The following MBD5 variants were observed in gnomAD, a reference collection of about 807,000 sequenced individuals.
MBD5 encodes methyl-CpG-binding domain protein 5.
In MBD5, 13 loss-of-function variants were observed where a neutral mutation model predicts 117.3. That is an observed-to-expected ratio of 0.11 (90% CI 0.07 to 0.18). The LOEUF is 0.18. Ranked by LOEUF, MBD5 falls within the 10% of genes least tolerant of loss-of-function variation. The probability of loss-of-function intolerance (pLI) is 1.00; values close to 1 mark genes in which losing one functional copy is unlikely to be tolerated. For missense variants in MBD5, 1,879 were observed against 2,093.8 expected (o/e 0.90, Z 2.00); for synonymous variants, 727 against 766.4 (o/e 0.95, Z 0.85).
intron 1 of MBD5, among the ~76,000 whole-genome samples, chr2:148,103,984 T>C (rs1696302151): frequency 6.6e-6 from 1 of 152,078 alleles, no homozygotes; most frequent in African/African-American, 2.4e-5. Flanking sequence ...TGTGAGAATA[T>C]GAGATTTTGC....
intron 1 of MBD5, among the ~76,000 whole-genome samples, chr2:148,088,016 G>GAAA (rs549142676): frequency 6.9e-6 from 1 of 145,874 alleles, no homozygotes; most frequent in African/African-American, 2.5e-5. Flanking sequence ...ATATCATAAC[G>GAAA]AAAAAAAAAA....
intron 3 of MBD5, among the ~76,000 whole-genome samples, chr2:148,285,177 T>C (rs565951607): frequency 6.6e-6 from 1 of 152,228 alleles, no homozygotes; most frequent in Non-Finnish European, 1.5e-5. Context: ...CCCCATCTGC[T>C]CTTCAAACAA....
At chr2:148,443,909 G>A (rs543652642) in intron 4 of MBD5, among the ~76,000 whole-genome samples, 12 of 151,292 alleles carry the variant, frequency 7.9e-5, no homozygotes, top group African/African-American at 2.5e-4. Flanking sequence ...TGGATTGTTC[G>A]TAACACAAAG....
Position 148,023,012 on chromosome 2 carries a change from T to C in MBD5, c.-925+1328T>C, listed in dbSNP as rs577219056. 9.2e-5 allele frequency among the ~76,000 whole-genome samples: 14 copies of C among 152,274 alleles called. No individual in the cohort carries two copies. In the East Asian group the frequency reaches 2.5e-3, roughly 27 times the overall value. On this transcript the variant is annotated intron_variant, in intron 1 of 13. Coordinates refer to ENST00000642680, the MANE Select transcript of MBD5 (RefSeq NM_001378120.1). ...ATTTTGTTTCATATATACATTTCTT[T>C]ATTCTTTCCTTGAAGATGGATGCAC...
intron 1 of MBD5, among the ~76,000 whole-genome samples, chr2:148,085,621 G>A (rs2105190894): frequency 6.6e-6 from 1 of 150,958 alleles, no homozygotes; most frequent in African/African-American, 2.4e-5. Context: ...CTACTTGGGA[G>A]GCTGAGGCAG....
chr2:148,084,430 T>C (rs1424326704), intron 1 of MBD5, among the ~76,000 whole-genome samples: 1 of 152,234 alleles, frequency 6.6e-6, no homozygotes, highest in Non-Finnish European at 1.5e-5. Flanking sequence ...ATCTGCCTTT[T>C]AAAATATAGT....
chr2:148,205,801 G>C (rs906901916), intron 2 of MBD5, among the ~76,000 whole-genome samples: 5 of 152,066 alleles, frequency 3.3e-5, no homozygotes, highest in Non-Finnish European at 5.9e-5. Flanking sequence ...CAAGGCAGAC[G>C]TATCCCTTGA....
chr2:148,504,371 C>T (rs933000000), intron 12 of MBD5, among the ~76,000 whole-genome samples: 2 of 152,178 alleles, frequency 1.3e-5, no homozygotes, highest in Non-Finnish European at 2.9e-5. Context: ...CTCCCAGTCA[C>T]GAGATGGGTC....
In MBD5 at chr2:148,483,852, C is replaced by G; in HGVS notation, c.3261C>G (p.Pro1087=). The change falls in exon 9 of 14, where the codon CCC becomes CCG. Residue 1087 remains proline, a synonymous_variant. Coordinates refer to ENST00000642680, the MANE Select transcript of MBD5 (RefSeq NM_001378120.1). ...NGASGLMTLN[P]QLLGGVLNSA... ...CCTCAGGATTAATGACCTTGAATCC[C>G]CAGCTGTTGGGAGGTGTCCTGAACT... The G allele has an allele frequency of 1.9e-6, 3 of 1,550,582 alleles. No homozygotes were observed. Among genetic ancestry groups the G allele is most frequent in the Non-Finnish European group, 2.6e-6 (3 of 1,146,982 alleles).
In MBD5 at chr2:148,194,668, C is replaced by A. The variant is rs1303670440; in HGVS notation, c.-831+15875C>A. On this transcript the variant is annotated intron_variant, in intron 2 of 13. Coordinates refer to ENST00000642680, the MANE Select transcript of MBD5 (RefSeq NM_001378120.1). ...GAGTTATACCTAATGCTAGATGACA[C>A]GTTAGTGGGTGCAGCGCACCAGCAT... is the stretch of plus-strand genomic sequence containing the variant. Among the ~76,000 whole-genome samples the A allele has an allele frequency of 4.3e-4, 52 of 120,440 alleles. 1 individual carries two copies. In the East Asian group the frequency reaches 0.011, roughly 26 times the overall value. 79.0% of individuals were successfully genotyped at this position (120,440 alleles called of 152,430 possible).
At chr2:148,075,021 CA>C (rs1695470781) in intron 1 of MBD5, among the ~76,000 whole-genome samples, 1 of 152,006 alleles carries the variant, frequency 6.6e-6, no homozygotes, top group Non-Finnish European at 1.5e-5. Context: ...AGACATGAGG[CA>C]TACGGGATTG....
At chr2:148,441,312 G>A (rs35431687) in intron 4 of MBD5, among the ~76,000 whole-genome samples, 39,257 of 151,768 alleles carry the variant, frequency 0.26, 6,084 homozygotes, top group African/African-American at 0.43. Context: ...GTGTCCATGC[G>A]TTCTCATTGT....
chr2:148,482,474 A>G lies in MBD5; in HGVS notation c.2519-636A>G, dbSNP rs1425272722. ...TAGCATGATTCTATTTTTAAAAAAT[A>G]TATGTAACATATATATGCATATGTG... On this transcript the variant is annotated intron_variant, in intron 8 of 13. Coordinates refer to ENST00000642680, the MANE Select transcript of MBD5 (RefSeq NM_001378120.1). Among the ~76,000 whole-genome samples, 3 of 152,216 alleles carry G rather than the reference A, an allele frequency of 2.0e-5. No homozygotes were observed. In the East Asian group the frequency reaches 5.8e-4, roughly 29 times the overall value.
chr2:148,243,039 T>G (rs1357660987), intron 3 of MBD5, among the ~76,000 whole-genome samples: 1 of 152,156 alleles, frequency 6.6e-6, no homozygotes, highest in Non-Finnish European at 1.5e-5. Flanking sequence ...CATTTATGCC[T>G]TTTCAAATAG....
At chr2:148,158,750 C>CGCTGTGTCTGCCAGGCTGGAGT (rs1697931717) in intron 1 of MBD5, among the ~76,000 whole-genome samples, 1 of 152,192 alleles carries the variant, frequency 6.6e-6, no homozygotes, top group Non-Finnish European at 1.5e-5. Flanking sequence ...GACGGAGTCT[C>CGCTGTGTCTGCCAGGCTGGAGT]GCTGTGTCTG....
At chr2:148,083,070 G>A (rs1285365148) in intron 1 of MBD5, among the ~76,000 whole-genome samples, 3 of 152,228 alleles carry the variant, frequency 2.0e-5, no homozygotes, top group African/African-American at 2.4e-5. Flanking sequence ...TTTGGTCCCC[G>A]AATCTGAGCT....
chr2:148,198,971 T>C (rs891105063), intron 2 of MBD5, among the ~76,000 whole-genome samples: 2 of 151,674 alleles, frequency 1.3e-5, no homozygotes, highest in Non-Finnish European at 2.9e-5. Flanking sequence ...TATATATCTG[T>C]GTATATTATA....
chr2:148,352,933 G>T (rs114513619), intron 4 of MBD5, among the ~76,000 whole-genome samples: 5 of 151,958 alleles, frequency 3.3e-5, no homozygotes, highest in African/African-American at 1.2e-4. Flanking sequence ...ATCTACCCAA[G>T]GATTTTTTGA....
intron 2 of MBD5, among the ~76,000 whole-genome samples, chr2:148,218,508 A>G (rs1472388610): frequency 3.3e-5 from 5 of 152,328 alleles, no homozygotes; most frequent in Middle Eastern, 3.4e-3. Context: ...ATGGCAATCT[A>G]TTCTACCACA....
Sources: gnomAD v4.1 joint callset for allele counts (sites outside exome capture counted in the v4.1 genomes callset) on GRCh38, gnomAD v4.1.1 for gene constraint, MANE v1.5 for transcripts, NCBI Gene and HGNC (gene_info 2026-07-23, HGNC 2026-07-21) for gene names.